CHRNA2: variants seen among roughly 807,000 people sequenced by gnomAD.
CHRNA2 encodes cholinergic receptor nicotinic alpha 2 subunit.
A neutral mutation model predicts 45.5 loss-of-function variants in CHRNA2; 40 were observed. The observed-to-expected ratio is 0.88, with a 90% CI of 0.68 to 1.15. The LOEUF is 1.15. CHRNA2 is among the 50% of genes most tolerant of loss of function. CHRNA2 has a pLI of 0.00. For synonymous variants in CHRNA2, 301 were observed against 296.7 expected, an observed-to-expected ratio of 1.01 and a Z score of -0.15; for missense variants, 655 against 701.7, an observed-to-expected ratio of 0.93 and a Z score of 0.75.
intron 1 of CHRNA2, among the ~76,000 whole-genome samples, chr8:27,475,955 G>A (rs894889680): frequency 6.6e-6 from 1 of 152,168 alleles, no homozygotes. Context: ...CAGGTGTTCA[G>A]AGCTACCTGC....
At chr8:27,472,508 C>CG (rs1812919664) in intron 1 of CHRNA2, among the ~76,000 whole-genome samples, 2 of 152,132 alleles carry the variant, frequency 1.3e-5, no homozygotes, top group Admixed American at 1.3e-4. Context: ...AGAAGTCTTC[C>CG]GTGTTGATTG....
rs1176464547 is a variant in CHRNA2, at chr8:27,460,349, A to G, written c.*1280T>C. 2.0e-5 allele frequency: 3 copies of G among 152,190 alleles called. No individual in the cohort carries two copies. Among genetic ancestry groups the G allele is most frequent in the African/African-American group, 7.2e-5 (3 of 41,414 alleles). The allele number at this position is 152,190 out of a possible 1,614,324, so 9.4% of individuals were successfully genotyped here. A position where few individuals can be genotyped will look rare whatever the true frequency, so the allele number is the denominator to read the frequency against. On this transcript the variant is annotated 3_prime_UTR_variant, in exon 7 of 7. Coordinates refer to ENST00000407991, the MANE Select transcript of CHRNA2 (RefSeq NM_000742.4). ...ACACACAGGCTGCTCTGAAGGGTTCAGAGCAGGTCAACACACCTCGGGGCT... is the reference window on the plus strand; with the variant it reads ...ACACACAGGCTGCTCTGAAGGGTTCGGAGCAGGTCAACACACCTCGGGGCT...
chr8:27,463,357 C>T lies in CHRNA2; in HGVS notation c.1086G>A (p.Met362Ile). 1 of 1,613,976 alleles carries T rather than the reference C, an allele frequency of 6.2e-7. No homozygotes were observed. Among genetic ancestry groups the T allele is most frequent in the Non-Finnish European group, 8.5e-7 (1 of 1,180,012 alleles). ...VHHRSPSTHT[M>I]PHWVRGALLG... The stretch of plus-strand genomic sequence containing the variant: ...GAAGGGCCCCCCGCACCCAGTGGGG[C>T]ATGGTGTGGGTGCTGGGGGAGCGGT... The change falls in exon 6 of 7, where the codon ATG becomes ATA. Residue 362 changes from methionine (M) to isoleucine (I), a missense_variant. Met to Ile is a conservative substitution (Grantham distance 10). Coordinates refer to ENST00000407991, the MANE Select transcript of CHRNA2 (RefSeq NM_000742.4). The surrounding 1 kb of genome is among the most constrained non-coding windows in gnomAD (Gnocchi z 6.1).
In CHRNA2 at chr8:27,459,922, G is replaced by C. The variant is rs533752912; in HGVS notation, c.*1707C>G. The C allele has an allele frequency of 2.0e-5, 3 of 152,780 alleles. No homozygotes were observed. Among genetic ancestry groups the C allele is most frequent in the Non-Finnish European group, 4.4e-5 (3 of 68,518 alleles). 9.5% of individuals were successfully genotyped at this position (152,780 alleles called of 1,614,324 possible). ...GAGAGCAAGTGGGAGGAGAGGGGGCGCTGGGGGCTGCATGCACACGAGTAG... is the reference window on the plus strand; with the variant it reads ...GAGAGCAAGTGGGAGGAGAGGGGGCCCTGGGGGCTGCATGCACACGAGTAG... On this transcript the variant is annotated 3_prime_UTR_variant, in exon 7 of 7. Transcript: ENST00000407991.
At chr8:27,469,664 C>A (rs552736727) in intron 3 of CHRNA2, 97 bp downstream of exon 3, 139 of 1,450,808 alleles carry the variant, frequency 9.6e-5, no homozygotes, top group African/African-American at 2.0e-4. Context: ...CACTGCTGTG[C>A]GTGAGGGCAG....
rs568386814 is a variant in CHRNA2, at chr8:27,471,104, G to A, written c.-46C>T. 2 of 1,558,416 alleles carry A rather than the reference G, an allele frequency of 1.3e-6. No homozygotes were observed. The highest frequency in any genetic ancestry group is 1.4e-5 in the African/African-American group (1 of 73,752). On this transcript the variant is annotated 5_prime_UTR_variant, in exon 2 of 7. Coordinates refer to ENST00000407991, the MANE Select transcript of CHRNA2 (RefSeq NM_000742.4). ...AGGTCAGGTCAGGGCTTTGCTGTGG[G>A]TTGCACCATGGACCATGTCCCCAGC...
intron 4 of CHRNA2, among the ~76,000 whole-genome samples, chr8:27,468,683 G>A (rs1171771596): frequency 2.0e-5 from 3 of 152,172 alleles, no homozygotes; most frequent in South Asian, 2.1e-4. Flanking sequence ...GAGCCTTCCA[G>A]ACATCCCTGC....
chr8:27,472,367 C>T (rs934717992), intron 1 of CHRNA2, among the ~76,000 whole-genome samples: 3 of 152,160 alleles, frequency 2.0e-5, no homozygotes, highest in African/African-American at 4.8e-5. Context: ...GAGCCCTCGA[C>T]GTGTGGGATC....
At chr8:27,470,830 C>G (rs987735501) in intron 2 of CHRNA2, among the ~76,000 whole-genome samples, 156 bp downstream of exon 2, 2 of 152,226 alleles carry the variant, frequency 1.3e-5, no homozygotes, top group Non-Finnish European at 2.9e-5. Context: ...ACTGCCCCTC[C>G]ACCTCTGCCA....
chr8:27,469,924 G>T lies in CHRNA2; in HGVS notation c.131C>A (p.Pro44His). 1.2e-6 allele frequency: 2 copies of T among 1,614,164 alleles called. No homozygotes were observed. The highest frequency in any genetic ancestry group is 1.7e-6 in the Non-Finnish European group (2 of 1,180,036). The change falls in exon 3 of 7, where the codon CCC (proline) becomes CAC (histidine). Residue 44 changes from proline (P) to histidine (H), a missense_variant. This residue lies in a region of CHRNA2 where 323 missense variants were observed against 354.4 expected (regional missense o/e 0.91). Transcript: ENST00000407991. ...PRAPGDPLSS[P>H]SPTALPQGGS... ...TCCCTGCGGCAATGCCGTGGGACTG[G>T]GAGAGGAGAGTGGGTCTCCAGGAGC...
Position 27,462,044 on chromosome 8 carries a change from G to A in CHRNA2, c.1465-290C>T, listed in dbSNP as rs116181978. 0.014 allele frequency among the ~76,000 whole-genome samples: 2,174 copies of A among 152,330 alleles called. 49 individuals are homozygous for A. Among genetic ancestry groups the A allele is most frequent in the African/African-American group, 0.049 (2,017 of 41,574 alleles). On this transcript the variant is annotated intron_variant, in intron 6 of 6. Coordinates refer to ENST00000407991, the MANE Select transcript of CHRNA2 (RefSeq NM_000742.4). Reference sequence around the variant, plus strand: ...TATAGGTAAAGGAGGCTAGAGGGACGCAAGGAGGCGGCACGACCACCCAGG... The same window carrying A: ...TATAGGTAAAGGAGGCTAGAGGGACACAAGGAGGCGGCACGACCACCCAGG...
At position 27,469,866 on chromosome 8, in the gene CHRNA2, G is replaced by A. The variant is rs749040383; in HGVS notation, c.189C>T (p.Phe63=). ...GGTTGTAGCCCCGGAAGAGGTGTTT[G>A]AAGAGCCGGTCCTCAGTCTCGGTAT... is the stretch of plus-strand genomic sequence containing the variant. ...GSHTETEDRL[F]KHLFRGYNRW... is the part of the protein sequence containing the mutation. The change falls in exon 3 of 7, where the codon TTC becomes TTT. Residue 63 remains phenylalanine (F), a synonymous_variant. Transcript: ENST00000407991. 3.7e-6 allele frequency: 6 copies of A among 1,614,036 alleles called. No homozygotes were observed. Among genetic ancestry groups the A allele is most frequent in the Non-Finnish European group, 1.7e-6 (2 of 1,180,038 alleles).
Position 27,469,767 on chromosome 8 carries a change from G to C in CHRNA2, c.288C>G (p.Ile96Met). ...VRFGLSIAQL[I>M]DVDEKNQMMT... The stretch of plus-strand genomic sequence containing the variant: ...GGTGGGAAGACAGGCGCACCACATC[G>C]ATGAGCTGAGCGATGGACAGTCCAA... Residue 96 changes from isoleucine to methionine, a missense_variant, in exon 3 of 7, where the codon ATC becomes ATG. Coordinates refer to ENST00000407991, the MANE Select transcript of CHRNA2 (RefSeq NM_000742.4). 2 of 1,614,154 alleles carry C rather than the reference G, an allele frequency of 1.2e-6. No individual in the cohort carries two copies. Among genetic ancestry groups the C allele is most frequent in the Non-Finnish European group, 1.7e-6 (2 of 1,180,026 alleles).
chr8:27,478,603 C>G (rs1813132457), intron 1 of CHRNA2, among the ~76,000 whole-genome samples: 1 of 152,174 alleles, frequency 6.6e-6, no homozygotes, highest in South Asian at 2.1e-4. Context: ...TGAGACTGGG[C>G]TAGCCATCCT....
At position 27,463,538 on chromosome 8, in the gene CHRNA2, G is replaced by T; in HGVS notation, c.905C>A (p.Ser302Ter). 1 of 1,614,220 alleles carries T rather than the reference G, an allele frequency of 6.2e-7. No individual in the cohort carries two copies. Among genetic ancestry groups the T allele is most frequent in the Non-Finnish European group, 8.5e-7 (1 of 1,180,044 alleles). ...GAAGACGGTGAGTGACAGCAGCACC[G>T]AAATGCACAGCGTGATCTTCTCGCC... is the stretch of plus-strand genomic sequence containing the variant. ...DCGEKITLCI[S>*]VLLSLTVFLL... The change falls in exon 6 of 7, where the codon TCG (serine) becomes TAG (stop). Residue 302 changes from serine (S) to a stop codon, truncating the protein, a stop_gained. Coordinates refer to ENST00000407991, the MANE Select transcript of CHRNA2 (RefSeq NM_000742.4). LOFTEE classifies it high-confidence loss of function. The surrounding 1 kb of genome is among the most constrained non-coding windows in gnomAD (Gnocchi z 6.1).
At position 27,479,110 on chromosome 8, in the gene CHRNA2, G is replaced by A. The variant is rs1042711262; in HGVS notation, c.-423C>T. The A allele has an allele frequency of 6.6e-6, 1 of 152,202 alleles. No homozygotes were observed. The highest frequency in any genetic ancestry group is 2.4e-5 in the African/African-American group (1 of 41,412). 9.4% of individuals were successfully genotyped at this position (152,202 alleles called of 1,614,324 possible). ...GCTGTCCAGCTCTGGCAGCCAGAAC[G>A]GCTTCATGCAGGTGCCACTGAGGAC... On this transcript the variant is annotated 5_prime_UTR_variant, in exon 1 of 7. Coordinates refer to ENST00000407991, the MANE Select transcript of CHRNA2 (RefSeq NM_000742.4).
chr8:27,476,047 CT>C (rs994795232), intron 1 of CHRNA2, among the ~76,000 whole-genome samples: 2 of 152,228 alleles, frequency 1.3e-5, no homozygotes, highest in African/African-American at 2.4e-5. Context: ...GGGAGCAGCA[CT>C]GCATCAAACA....
intron 1 of CHRNA2, among the ~76,000 whole-genome samples, chr8:27,472,338 G>C (rs1427787308): frequency 6.6e-6 from 1 of 152,158 alleles, no homozygotes; most frequent in African/African-American, 2.4e-5. Flanking sequence ...ATTGACATTG[G>C]GGGGCAGTGT....
rs375028105 is a variant in CHRNA2, at chr8:27,462,928, G to A, written c.1464+51C>T. On this transcript the variant is annotated intron_variant, in intron 6 of 6. Transcript: ENST00000407991. ...ACACTCTGCGGTAAGGTGGTTCCCC[G>A]CTAAGTTGGTGGGGCCACCCAGGCT... 61 of 1,611,544 alleles carry A rather than the reference G, an allele frequency of 3.8e-5. No individual in the cohort carries two copies. The Middle Eastern group carries it at 8.5e-4, about 22-fold the overall frequency.
Sources: gnomAD v4.1 joint callset for allele counts (sites outside exome capture counted in the v4.1 genomes callset) on GRCh38, gnomAD v4.1.1 for gene constraint, gnomAD v4.1.1 regional missense constraint, Gnocchi (gnomAD v3.1) non-coding constraint, MANE v1.5 for transcripts, NCBI Gene and HGNC (gene_info 2026-07-23, HGNC 2026-07-21) for gene names.